The following AKR1D1 variants were observed in gnomAD, a reference collection of about 807,000 sequenced individuals.
AKR1D1 encodes the protein delta(4)-3-ketosteroid 5-beta-reductase.
Under a neutral mutation model 42.6 loss-of-function variants are expected in AKR1D1, and 32 were observed. The ratio of observed to expected loss-of-function variants is 0.75; its 90% CI spans 0.57 to 1.01. The LOEUF (loss-of-function observed/expected upper bound fraction) is 1.01. Ranked by LOEUF, AKR1D1 falls within the 50% of genes least tolerant of loss-of-function variation. The probability of loss-of-function intolerance (pLI) is 0.00; values close to 1 mark genes in which losing one functional copy is unlikely to be tolerated. For missense variants in AKR1D1, 364 were observed against 402.2 expected, an observed-to-expected ratio of 0.91 and a Z score of 0.81; for synonymous variants, 123 against 135.5, an observed-to-expected ratio of 0.91 and a Z score of 0.64.
intron 1 of AKR1D1, among the ~76,000 whole-genome samples, chr7:138,085,684 G>T (rs1027294652): frequency 6.6e-6 from 1 of 152,052 alleles, no homozygotes; most frequent in African/African-American, 2.4e-5. Context: ...GACCTCAGGT[G>T]ATCTGCCCCG....
At chr7:138,078,862 CA>C (rs1360973039) in intron 1 of AKR1D1, among the ~76,000 whole-genome samples, 1 of 152,180 alleles carries the variant, frequency 6.6e-6, no homozygotes, top group African/African-American at 2.4e-5. Context: ...AAGTGTAGTC[CA>C]AGCTCTTGGT....
chr7:138,098,580 A>G (rs913909517), intron 4 of AKR1D1, among the ~76,000 whole-genome samples: 6 of 152,236 alleles, frequency 3.9e-5, no homozygotes, highest in Admixed American at 2.0e-4. Flanking sequence ...ACTGCACTCC[A>G]GCCTGGGCGA....
chr7:138,107,660 A>AGGAAACCTGT (rs1794461123), intron 7 of AKR1D1, 80 bp downstream of exon 7: 1 of 1,479,508 alleles, frequency 6.8e-7, no homozygotes, highest in East Asian at 2.3e-5. Context: ...TCAGCTTAAT[A>AGGAAACCTGT]GGAAACCTGT....
intron 4 of AKR1D1, among the ~76,000 whole-genome samples, chr7:138,101,667 A>G (rs1247126686): frequency 6.6e-6 from 1 of 152,220 alleles, no homozygotes; most frequent in Non-Finnish European, 1.5e-5. Flanking sequence ...GCAACACACA[A>G]TTGGAAATTA....
In AKR1D1 at chr7:138,108,242, G is replaced by A. The variant is rs568516424; in HGVS notation, c.855+662G>A. 2.0e-5 allele frequency among the ~76,000 whole-genome samples: 3 copies of A among 152,150 alleles called. No homozygotes were observed. In the South Asian group the frequency reaches 6.2e-4, roughly 32 times the overall value. ...AAGTGAAGAAAGAACTAGACAAAGGGGTAATTCATTTATTCCGCTACTACT... is the reference window on the plus strand; with the variant it reads ...AAGTGAAGAAAGAACTAGACAAAGGAGTAATTCATTTATTCCGCTACTACT... On this transcript the variant is annotated intron_variant, in intron 7 of 8. Transcript: ENST00000242375.
chr7:138,095,075 C>T lies in AKR1D1; in HGVS notation c.379-2791C>T, dbSNP rs560062580. On this transcript the variant is annotated intron_variant, in intron 3 of 8. Coordinates refer to ENST00000242375, the MANE Select transcript of AKR1D1 (RefSeq NM_005989.4). ...GAAGGAAAGAGACAAAGAGGCTTATCGGGATGAAAGGATGAGTAAAATAGG... is the reference window on the plus strand; with the variant it reads ...GAAGGAAAGAGACAAAGAGGCTTATTGGGATGAAAGGATGAGTAAAATAGG... 5.3e-5 allele frequency among the ~76,000 whole-genome samples: 8 copies of T among 152,138 alleles called. No individual in the cohort carries two copies. In the East Asian group the frequency reaches 7.7e-4, roughly 15 times the overall value.
intron 8 of AKR1D1, 100 bp downstream of exon 8, chr7:138,113,872 C>T (rs1794583110): frequency 1.9e-6 from 2 of 1,070,232 alleles, no homozygotes; most frequent in Admixed American, 3.6e-5. Context: ...GTCCATAGCA[C>T]CAGGGCAAAG....
rs888180498 is a variant in AKR1D1 at position 138,116,905 on chromosome 7, C to A, written c.*243C>A. On this transcript the variant is annotated 3_prime_UTR_variant, in exon 9 of 9. Coordinates refer to ENST00000242375, the MANE Select transcript of AKR1D1 (RefSeq NM_005989.4). Reference sequence around the variant, plus strand: ...TCAACTAATTTTTTCAGATCAGTATCTTCTAGATTCCAGACAGAAAAAAAT... The same window carrying A: ...TCAACTAATTTTTTCAGATCAGTATATTCTAGATTCCAGACAGAAAAAAAT... 4.3e-5 allele frequency: 21 copies of A among 483,290 alleles called. No individual in the cohort carries two copies. Among genetic ancestry groups the A allele is most frequent in the African/African-American group, 3.7e-4 (19 of 51,710 alleles). 29.9% of individuals were successfully genotyped at this position (483,290 alleles called of 1,614,324 possible). A position where few individuals can be genotyped will look rare whatever the true frequency, so the allele number is the denominator to read the frequency against.
At chr7:138,108,690 G>C (rs1794479846) in intron 7 of AKR1D1, among the ~76,000 whole-genome samples, 1 of 152,132 alleles carries the variant, frequency 6.6e-6, no homozygotes. Context: ...GGTCAAAAAA[G>C]TTGTGATTAC....
intron 5 of AKR1D1, 134 bp downstream of exon 5, chr7:138,105,563 C>G (rs1251048654): frequency 2.3e-6 from 3 of 1,307,882 alleles, no homozygotes; most frequent in Middle Eastern, 2.7e-4. Flanking sequence ...CTGTGCAAGT[C>G]TTTAGACTTC....
At chr7:138,097,530 C>A (rs1794206565) in intron 3 of AKR1D1, among the ~76,000 whole-genome samples, 1 of 152,190 alleles carries the variant, frequency 6.6e-6, no homozygotes, top group Non-Finnish European at 1.5e-5. Context: ...CAAAGGCTGT[C>A]CCAGCAGGGG....
At chr7:138,100,111 A>AAAAAAAAAAAAAAAAAC (rs1562935392) in intron 4 of AKR1D1, among the ~76,000 whole-genome samples, 1 of 127,600 alleles carries the variant, frequency 7.8e-6, no homozygotes, top group African/African-American at 3.0e-5. Context: ...AAAAAAAAAA[A>AAAAAAAAAAAAAAAAAC]AAAAAAACAT....
chr7:138,114,197 A>G (rs1794588879), intron 8 of AKR1D1, among the ~76,000 whole-genome samples: 1 of 152,222 alleles, frequency 6.6e-6, no homozygotes, highest in Non-Finnish European at 1.5e-5. Flanking sequence ...TAGAAAGAGC[A>G]CTAGATTGAA....
intron 8 of AKR1D1, among the ~76,000 whole-genome samples, chr7:138,114,720 C>T (rs1794602755): frequency 6.7e-6 from 1 of 149,748 alleles, no homozygotes; most frequent in African/African-American, 2.5e-5. Flanking sequence ...TATACACACA[C>T]ATATACATAT....
chr7:138,098,546 G>T (rs961005326), intron 4 of AKR1D1, among the ~76,000 whole-genome samples: 4 of 152,094 alleles, frequency 2.6e-5, no homozygotes, highest in Admixed American at 2.6e-4. Context: ...GGAGGCAGAG[G>T]TTGCAGTGAG....
At chr7:138,085,536 C>T (rs1803154963) in intron 1 of AKR1D1, among the ~76,000 whole-genome samples, 1 of 151,444 alleles carries the variant, frequency 6.6e-6, no homozygotes, top group Non-Finnish European at 1.5e-5. Flanking sequence ...CCTCTGCCTC[C>T]CAGGTTCAAG....
chr7:138,082,637 C>A (rs1239293971), intron 1 of AKR1D1, among the ~76,000 whole-genome samples: 1 of 152,176 alleles, frequency 6.6e-6, no homozygotes, highest in Admixed American at 6.5e-5. Flanking sequence ...AGCAATTCTG[C>A]ATCAGCCTTC....
chr7:138,080,625 T>C (rs537987484), intron 1 of AKR1D1, among the ~76,000 whole-genome samples: 4 of 152,346 alleles, frequency 2.6e-5, no homozygotes, highest in Non-Finnish European at 5.9e-5. Context: ...GCATCCTGTA[T>C]GTTGCCTGAA....
chr7:138,079,045 T>C (rs1802999445), intron 1 of AKR1D1, among the ~76,000 whole-genome samples: 1 of 152,214 alleles, frequency 6.6e-6, no homozygotes, highest in Admixed American at 6.5e-5. Flanking sequence ...TTGCCCAGGC[T>C]GGTCTCAAAC....
Sources: gnomAD v4.1 joint callset for allele counts (sites outside exome capture counted in the v4.1 genomes callset) on GRCh38, gnomAD v4.1.1 for gene constraint, MANE v1.5 for transcripts, NCBI Gene and HGNC (gene_info 2026-07-23, HGNC 2026-07-21) for gene names.